Variants in PPP3CA observed in about 807,000 individuals in gnomAD.
The protein encoded by PPP3CA is CAM-PRP catalytic subunit.
Under a neutral mutation model 66.5 loss-of-function variants are expected in PPP3CA, and 14 were observed. That is an observed-to-expected ratio of 0.21 (90% CI 0.14 to 0.33). The LOEUF (loss-of-function observed/expected upper bound fraction) is 0.33. Among genes scored for constraint, PPP3CA ranks in the 10% least tolerant of loss-of-function variants. The pLI is 1.00. For missense variants in PPP3CA, 317 were observed against 639.5 expected (o/e 0.50, Z 5.44); for synonymous variants, 232 against 226.2 (o/e 1.03, Z -0.23).
chr4:101,133,908 A>G (rs745425304), intron 2 of PPP3CA, among the ~76,000 whole-genome samples: 1 of 152,180 alleles, frequency 6.6e-6, no homozygotes, highest in Non-Finnish European at 1.5e-5. Context: ...ATATAGACCA[A>G]TGGAACAGAA....
intron 1 of PPP3CA, among the ~76,000 whole-genome samples, chr4:101,276,069 T>A (rs905960065): frequency 6.6e-6 from 1 of 151,984 alleles, no homozygotes; most frequent in African/African-American, 2.4e-5. Flanking sequence ...ATTTTTCTAA[T>A]TTTTTTGTAC....
At position 101,023,512 on chromosome 4, in the gene PPP3CA, T is replaced by A. The variant is rs7840; in HGVS notation, c.*2353A>T. 23,907 of 152,006 alleles carry A rather than the reference T, an allele frequency of 0.16. 2,087 individuals carry two copies. The highest frequency in any genetic ancestry group is 0.22 in the Middle Eastern group (63 of 292). 9.4% of individuals were successfully genotyped at this position (152,006 alleles called of 1,614,324 possible). The stretch of plus-strand genomic sequence containing the variant: ...AAAGAAAGGAATCCAAAAAAATGAA[T>A]TTTTTTTAGTCAGGATATTTTCTCT... On this transcript the variant is annotated 3_prime_UTR_variant, in exon 14 of 14. Transcript: ENST00000394854.
rs1729443990 is a variant in PPP3CA, at chr4:101,333,115, T to C, written c.58+13624A>G. ...TGCCATCTTCTTTCTTTTTTTTTTT[T>C]TTTTTTTGAGGCAGAGTCTCATACT... On this transcript the variant is annotated intron_variant, in intron 1 of 13. Transcript: ENST00000394854. Among the ~76,000 whole-genome samples the C allele has an allele frequency of 2.0e-5, 3 of 148,088 alleles. No individual in the cohort carries two copies. In the South Asian group the frequency reaches 6.6e-4, roughly 32 times the overall value.
intron 1 of PPP3CA, among the ~76,000 whole-genome samples, chr4:101,225,924 G>A (rs1725767586): frequency 1.3e-5 from 2 of 151,612 alleles, no homozygotes; most frequent in Non-Finnish European, 3.0e-5. Flanking sequence ...TTCAGTGTGG[G>A]GAGTAAGAAA....
chr4:101,101,413 C>T (rs1034818863), intron 3 of PPP3CA, among the ~76,000 whole-genome samples: 25 of 152,202 alleles, frequency 1.6e-4, no homozygotes, highest in South Asian at 8.3e-4. Context: ...GGAGGACTGT[C>T]CCCAATTTAA....
chr4:101,051,097 C>T (rs184671814), intron 10 of PPP3CA, among the ~76,000 whole-genome samples: 174 of 152,130 alleles, frequency 1.1e-3, no homozygotes, highest in African/African-American at 4.0e-3. Context: ...CAAAAAGATG[C>T]GGTTGATAAA....
At chr4:101,199,467 T>A (rs1359482436) in intron 1 of PPP3CA, among the ~76,000 whole-genome samples, 1 of 152,172 alleles carries the variant, frequency 6.6e-6, no homozygotes, top group Admixed American at 6.5e-5. Context: ...CCAAAACAAT[T>A]TTTTTTGTAA....
intron 2 of PPP3CA, among the ~76,000 whole-genome samples, chr4:101,176,742 T>C (rs567319748): frequency 3.2e-4 from 48 of 152,154 alleles, no homozygotes; most frequent in Non-Finnish European, 4.1e-4. Flanking sequence ...GAACTGTTTA[T>C]TAAATTTTAA....
At position 101,346,850 on chromosome 4, in the gene PPP3CA, C is replaced by G; in HGVS notation, c.-54G>C. The G allele has an allele frequency of 6.3e-7, 1 of 1,581,792 alleles. No individual in the cohort carries two copies. Among genetic ancestry groups the G allele is most frequent in the Non-Finnish European group, 8.6e-7 (1 of 1,164,966 alleles). ...TGCTCGTCCGTCCGACTGCACACCC[C>G]GACCGGACCGGCGGGCCAGACACTC... On this transcript the variant is annotated 5_prime_UTR_variant, in exon 1 of 14. Transcript: ENST00000394854.
At chr4:101,066,807 A>G (rs1343493275) in intron 8 of PPP3CA, among the ~76,000 whole-genome samples, 2 of 152,130 alleles carry the variant, frequency 1.3e-5, no homozygotes, top group Non-Finnish European at 2.9e-5. Flanking sequence ...TTGGGATTAC[A>G]AAACCCAACT....
At chr4:101,249,091 C>T (rs1013339205) in intron 1 of PPP3CA, among the ~76,000 whole-genome samples, 1 of 151,550 alleles carries the variant, frequency 6.6e-6, no homozygotes. Flanking sequence ...ACCCGGGAAG[C>T]GGAGCTTGCA....
rs192155089 is a variant in PPP3CA at position 101,121,663 on chromosome 4, G to A, written c.260-12585C>T. 9.2e-5 allele frequency among the ~76,000 whole-genome samples: 14 copies of A among 152,094 alleles called. No individual in the cohort carries two copies. The East Asian group carries it at 2.5e-3, about 27-fold the overall frequency. ...ATTAAGTACCTGCTGTGCCATAGGT[G>A]TAATGGAGAATTAAAAAAAATAGTC... On this transcript the variant is annotated intron_variant, in intron 2 of 13. Transcript: ENST00000394854.
intron 2 of PPP3CA, among the ~76,000 whole-genome samples, chr4:101,117,928 T>C (rs1233558584): frequency 1.3e-5 from 2 of 151,910 alleles, no homozygotes; most frequent in Non-Finnish European, 2.9e-5. Context: ...TCAGTACATA[T>C]AAACTACATA....
intron 1 of PPP3CA, among the ~76,000 whole-genome samples, chr4:101,344,745 G>A (rs1025689160): frequency 2.0e-5 from 3 of 152,112 alleles, no homozygotes; most frequent in Admixed American, 6.5e-5. Flanking sequence ...ATTTTTACAT[G>A]TTCACCTGAT....
intron 8 of PPP3CA, among the ~76,000 whole-genome samples, chr4:101,075,912 C>G (rs751689262): frequency 6.6e-6 from 1 of 152,054 alleles, no homozygotes; most frequent in Non-Finnish European, 1.5e-5. Context: ...GGTTAAAGAC[C>G]ATGTCTGTCT....
chr4:101,309,867 T>G (rs2850366), intron 1 of PPP3CA, among the ~76,000 whole-genome samples: 45,252 of 152,100 alleles, frequency 0.3, 7,214 homozygotes, highest in East Asian at 0.5. Flanking sequence ...AATAGTGTGC[T>G]ACACATTCCC....
At chr4:101,184,340 G>A (rs1724339028) in intron 2 of PPP3CA, among the ~76,000 whole-genome samples, 1 of 152,122 alleles carries the variant, frequency 6.6e-6, no homozygotes. Context: ...GATTCCTGCG[G>A]CTGCATTTAC....
At chr4:101,202,714 T>C (rs1480949714) in intron 1 of PPP3CA, among the ~76,000 whole-genome samples, 1 of 152,228 alleles carries the variant, frequency 6.6e-6, no homozygotes, top group Non-Finnish European at 1.5e-5. Context: ...ATCTCAAGTA[T>C]GGTTAAATAT....
chr4:101,153,846 G>T (rs1001796343), intron 2 of PPP3CA, among the ~76,000 whole-genome samples: 4 of 152,112 alleles, frequency 2.6e-5, no homozygotes, highest in South Asian at 4.1e-4. Flanking sequence ...CATACTTCCT[G>T]CAATGTTACC....
Sources: allele counts gnomAD v4.1 joint callset (sites outside exome capture counted in the v4.1 genomes callset), GRCh38; gene constraint gnomAD v4.1.1; transcripts MANE v1.5; gene names NCBI Gene and HGNC (gene_info 2026-07-23, HGNC 2026-07-21).